The following CGNL1 variants were observed in gnomAD, a reference collection of about 807,000 sequenced individuals.
CGNL1 encodes the protein cingulin-like protein 1.
CGNL1 carries 132 observed loss-of-function variants against 141.2 expected under a neutral mutation model. The ratio of observed to expected loss-of-function variants is 0.93; its 90% CI spans 0.81 to 1.08. The LOEUF (loss-of-function observed/expected upper bound fraction) is 1.08, where lower values mean the gene tolerates loss of function less well. CGNL1 is among the 50% of genes least tolerant of loss of function. The probability of loss-of-function intolerance (pLI) is 0.00; values close to 1 mark genes in which losing one functional copy is unlikely to be tolerated. For missense variants in CGNL1, 1,870 were observed against 1,588.6 expected (o/e 1.18, Z -3.01); for synonymous variants, 690 against 622.1 (o/e 1.11, Z -1.63).
At chr15:57,520,083 G>T (rs2140117982) in intron 10 of CGNL1, among the ~76,000 whole-genome samples, 1 of 152,358 alleles carries the variant, frequency 6.6e-6, no homozygotes, top group South Asian at 2.1e-4. Context: ...TTTCCCAGTG[G>T]TGTGGGGATG....
chr15:57,518,865 A>G (rs1449921027), intron 10 of CGNL1, among the ~76,000 whole-genome samples: 1 of 152,268 alleles, frequency 6.6e-6, no homozygotes, highest in East Asian at 1.9e-4. Context: ...TTTAGACGTT[A>G]AAGAGCTTGA....
chr15:57,467,804 C>G (rs375384091), intron 8 of CGNL1, among the ~76,000 whole-genome samples: 2 of 151,016 alleles, frequency 1.3e-5, no homozygotes, highest in African/African-American at 4.9e-5. Flanking sequence ...ATTCTTGTGC[C>G]TCATCCTCCT....
At chr15:57,493,164 G>A (rs1595762042) in intron 8 of CGNL1, among the ~76,000 whole-genome samples, 1 of 152,208 alleles carries the variant, frequency 6.6e-6, no homozygotes, top group South Asian at 2.1e-4. Flanking sequence ...TTGCAGTGAA[G>A]TTAATGCTGG....
chr15:57,479,056 A>T (rs1200318654), intron 8 of CGNL1, among the ~76,000 whole-genome samples: 2 of 151,696 alleles, frequency 1.3e-5, no homozygotes, highest in African/African-American at 4.8e-5. Context: ...CCCACTTGCC[A>T]CTCTCCTTCC....
At chr15:57,541,455 G>C (rs1047679050) in intron 14 of CGNL1, among the ~76,000 whole-genome samples, 4 of 152,224 alleles carry the variant, frequency 2.6e-5, no homozygotes, top group African/African-American at 9.6e-5. Context: ...TTTGTGCTGG[G>C]GTAACAGTAA....
intron 14 of CGNL1, among the ~76,000 whole-genome samples, chr15:57,539,839 GC>G (rs2032466232): frequency 6.6e-6 from 1 of 152,186 alleles, no homozygotes; most frequent in Admixed American, 6.5e-5. Context: ...CTGTTCTGTG[GC>G]TTCCACCGGC....
At chr15:57,454,685 C>G (rs1254226569) in intron 7 of CGNL1, among the ~76,000 whole-genome samples, 1 of 151,958 alleles carries the variant, frequency 6.6e-6, no homozygotes, top group Non-Finnish European at 1.5e-5. Flanking sequence ...TCTCTCTTTC[C>G]CTATTCAGAC....
chr15:57,412,076 C>T (rs1349176316), intron 1 of CGNL1, among the ~76,000 whole-genome samples: 1 of 152,206 alleles, frequency 6.6e-6, no homozygotes, highest in Non-Finnish European at 1.5e-5. Context: ...TGACTTCCTT[C>T]CTCTGCCAAG....
intron 1 of CGNL1, among the ~76,000 whole-genome samples, chr15:57,403,157 G>A (rs565839856): frequency 2.5e-4 from 38 of 152,128 alleles, no homozygotes; most frequent in African/African-American, 8.7e-4. Context: ...AGCTATTGAC[G>A]AAGGGGTCTG....
At chr15:57,522,173 A>G (rs2031306016) in intron 10 of CGNL1, among the ~76,000 whole-genome samples, 1 of 152,172 alleles carries the variant, frequency 6.6e-6, no homozygotes, top group Non-Finnish European at 1.5e-5. Context: ...TTTCCCCAGC[A>G]GCTTTTGTTA....
At chr15:57,483,212 A>G (rs1011021481) in intron 8 of CGNL1, among the ~76,000 whole-genome samples, 1 of 152,198 alleles carries the variant, frequency 6.6e-6, no homozygotes, top group Non-Finnish European at 1.5e-5. Flanking sequence ...GTAAATCTCC[A>G]TTTATTTAGA....
intron 8 of CGNL1, among the ~76,000 whole-genome samples, chr15:57,487,943 G>A (rs2063807264): frequency 6.6e-6 from 1 of 152,192 alleles, no homozygotes; most frequent in African/African-American, 2.4e-5. Flanking sequence ...TGGGAGTAGA[G>A]TTGCTGGGTC....
At chr15:57,481,370 C>G (rs2063724448) in intron 8 of CGNL1, among the ~76,000 whole-genome samples, 7 of 152,148 alleles carry the variant, frequency 4.6e-5, no homozygotes, top group Admixed American at 4.6e-4. Flanking sequence ...CTTGACCCAA[C>G]TAGTGTACTT....
rs371416271 is a variant in CGNL1, at chr15:57,518,350, C to T, written c.2611-43C>T. The stretch of plus-strand genomic sequence containing the variant: ...TTCCATTGAGTCAGTTTCATAGGTA[C>T]AGCACACATCTAAGTGCACACTGAC... On this transcript the variant is annotated intron_variant, in intron 9 of 18. Transcript: ENST00000281282. 2.0e-3 allele frequency: 2,780 copies of T among 1,401,094 alleles called. 2 individuals carry two copies. The highest frequency in any genetic ancestry group is 2.3e-3 in the Non-Finnish European group (2,326 of 991,984). 86.8% of individuals were successfully genotyped at this position (1,401,094 alleles called of 1,614,324 possible). A position where few individuals can be genotyped will look rare whatever the true frequency, so the allele number is the denominator to read the frequency against.
At chr15:57,523,399 G>T (rs2031396683) in intron 10 of CGNL1, 90 bp from the exon 11 acceptor site, 1 of 1,099,716 alleles carries the variant, frequency 9.1e-7, no homozygotes. Context: ...TGATTGCTTT[G>T]CAGTGTGACT....
Position 57,451,500 on chromosome 15 carries a change from G to A in CGNL1, c.1804G>A (p.Ala602Thr), listed in dbSNP as rs769590112. 3 of 1,600,156 alleles carry A rather than the reference G, an allele frequency of 1.9e-6. No homozygotes were observed. The highest frequency in any genetic ancestry group is 2.6e-6 in the Non-Finnish European group (3 of 1,171,052). Reference sequence around the variant, plus strand: ...AGTATATCTTTGCAATTAATTATAGGCTTGTAATTCCACATCTGAAGTCAA... The same window carrying A: ...AGTATATCTTTGCAATTAATTATAGACTTGTAATTCCACATCTGAAGTCAA... ...AAGSAQGNNQ[A>T]CNSTSEVKDL... is the part of the protein sequence containing the mutation. The change falls in exon 5 of 19, where the codon GCT (alanine) becomes ACT (threonine). Residue 602 changes from alanine to threonine, a missense_variant and splice_region_variant. Ala to Thr is a moderately conservative substitution (Grantham distance 58). Transcript: ENST00000281282.
chr15:57,388,562 G>C (rs1240784455), intron 1 of CGNL1, among the ~76,000 whole-genome samples: 1 of 152,188 alleles, frequency 6.6e-6, no homozygotes, highest in African/African-American at 2.4e-5. Flanking sequence ...ATGTGTGCTC[G>C]CACGACTGTA....
At chr15:57,460,543 C>T (rs1450248170) in intron 7 of CGNL1, among the ~76,000 whole-genome samples, 1 of 152,178 alleles carries the variant, frequency 6.6e-6, no homozygotes, top group Non-Finnish European at 1.5e-5. Context: ...GTTTAATTGA[C>T]TCACAGTTCC....
At chr15:57,495,625 C>T (rs1490383520) in intron 8 of CGNL1, among the ~76,000 whole-genome samples, 1 of 152,134 alleles carries the variant, frequency 6.6e-6, no homozygotes, top group Non-Finnish European at 1.5e-5. Flanking sequence ...AAAGGTATAG[C>T]CACTCTACTG....
Sources: allele counts gnomAD v4.1 joint callset (sites outside exome capture counted in the v4.1 genomes callset), GRCh38; gene constraint gnomAD v4.1.1; transcripts MANE v1.5; gene names NCBI Gene and HGNC (gene_info 2026-07-23, HGNC 2026-07-21).